The following MUSK variants were observed in gnomAD, a reference collection of about 807,000 sequenced individuals.
The protein encoded by MUSK is muscle associated receptor tyrosine kinase, also known as muscle, skeletal receptor tyrosine-protein kinase.
MUSK carries 55 observed loss-of-function variants against 88.7 expected under a neutral mutation model. That is an observed-to-expected ratio of 0.62 (90% confidence interval 0.50 to 0.78). MUSK has a LOEUF of 0.78. Ranked by LOEUF, MUSK falls within the 30% of genes least tolerant of loss-of-function variation. MUSK has a pLI of 0.00. For synonymous variants in MUSK, 387 were observed against 391.9 expected, an observed-to-expected ratio of 0.99 and a Z score of 0.15; for missense variants, 1,015 against 1,074.3, an observed-to-expected ratio of 0.94 and a Z score of 0.77.
intron 5 of MUSK, among the ~76,000 whole-genome samples, chr9:110,718,774 C>T (rs1029620060): frequency 6.6e-6 from 1 of 151,986 alleles, no homozygotes. Flanking sequence ...TGCCTAGACA[C>T]ATAGTTATCA....
At chr9:110,717,425 C>A (rs1564241978) in intron 5 of MUSK, among the ~76,000 whole-genome samples, 1 of 149,804 alleles carries the variant, frequency 6.7e-6, no homozygotes, top group Non-Finnish European at 1.5e-5. Flanking sequence ...AAAATCTTAT[C>A]TAACAGCACC....
chr9:110,715,940 G>A (rs948932418), intron 5 of MUSK, among the ~76,000 whole-genome samples: 1 of 149,206 alleles, frequency 6.7e-6, no homozygotes. Flanking sequence ...ATGGACACAT[G>A]GGGGGAACAA....
In MUSK at chr9:110,800,793, G is replaced by A. The variant is rs2078084077; in HGVS notation, c.2415G>A (p.Gly805=). The A allele has an allele frequency of 6.2e-7, 1 of 1,613,966 alleles. No homozygotes were observed. The highest frequency in any genetic ancestry group is 1.1e-5 in the South Asian group (1 of 91,084). ...CCTATGGCCTGCAGCCCTACTATGGGATGGCCCATGAGGAGGTCATTTACT... is the reference window on the plus strand; with the variant it reads ...CCTATGGCCTGCAGCCCTACTATGGAATGGCCCATGAGGAGGTCATTTACT... ...IFSYGLQPYY[G]MAHEEVIYYV... The change falls in exon 15 of 15, where the codon GGG becomes GGA. Residue 805 remains glycine (G), a synonymous_variant. Transcript: ENST00000374448.
rs1044885611 is a variant in MUSK, at chr9:110,735,498, A to C, written c.753+1123A>C. Among the ~76,000 whole-genome samples the C allele has an allele frequency of 9.9e-5, 15 of 152,054 alleles. 1 individual carries two copies. The highest frequency in any genetic ancestry group is 7.7e-4 in the East Asian group (4 of 5,184). ...TATTTCATGTTCTCTTTCATAACTA[A>C]AAAAATTGATCTCATGGAGATAGAG... On this transcript the variant is annotated intron_variant, in intron 6 of 14. Transcript: ENST00000374448.
chr9:110,788,642 A>AG (rs1159629744), intron 14 of MUSK, among the ~76,000 whole-genome samples: 1 of 151,720 alleles, frequency 6.6e-6, no homozygotes, highest in Non-Finnish European at 1.5e-5. Flanking sequence ...TAAAAAAGGA[A>AG]GAAAAAAAAA....
chr9:110,708,821 A>G (rs1048510591), intron 5 of MUSK, among the ~76,000 whole-genome samples: 1 of 152,196 alleles, frequency 6.6e-6, no homozygotes, highest in Non-Finnish European at 1.5e-5. Context: ...AGGCCCTCTT[A>G]AAGTGCAGTG....
At chr9:110,720,433 A>G (rs1161847464) in intron 5 of MUSK, among the ~76,000 whole-genome samples, 2 of 152,100 alleles carry the variant, frequency 1.3e-5, no homozygotes, top group Non-Finnish European at 2.9e-5. Flanking sequence ...TCACAGAAAT[A>G]TGAAACATTA....
rs777853943 is a variant in MUSK at position 110,787,773 on chromosome 9, C to A, written c.1862C>A (p.Ala621Glu). Residue 621 changes from alanine to glutamate, a missense_variant, in exon 14 of 15, where the codon GCG (alanine) becomes GAG (glutamate). Physicochemically the swap from Ala to Glu is moderately radical, Grantham distance 107. Transcript: ENST00000374448. ...LKEEASADMQ[A>E]DFQREAALMA... ...GAAGAAGCCTCGGCAGATATGCAAG[C>A]GGACTTTCAGAGGGAGGCAGCCCTC... 1 of 1,613,690 alleles carries A rather than the reference C, an allele frequency of 6.2e-7. No individual in the cohort carries two copies. Among genetic ancestry groups the A allele is most frequent in the South Asian group, 1.1e-5 (1 of 90,996 alleles).
intron 1 of MUSK, among the ~76,000 whole-genome samples, chr9:110,675,065 A>G (rs554370700): frequency 6.6e-6 from 1 of 152,060 alleles, no homozygotes; most frequent in Non-Finnish European, 1.5e-5. Context: ...AATGGTTTCC[A>G]TTTATTTATT....
chr9:110,797,851 A>G (rs949092792), intron 14 of MUSK, among the ~76,000 whole-genome samples: 3 of 152,208 alleles, frequency 2.0e-5, no homozygotes, highest in African/African-American at 7.2e-5. Context: ...TTCCTGTTTC[A>G]ACTTTTCTTA....
At chr9:110,755,984 A>ACG (rs1293841849) in intron 7 of MUSK, among the ~76,000 whole-genome samples, 14 of 126,018 alleles carry the variant, frequency 1.1e-4, no homozygotes, top group African/African-American at 3.7e-4. Flanking sequence ...ATATACATAT[A>ACG]TATATATATA....
intron 13 of MUSK, among the ~76,000 whole-genome samples, chr9:110,787,361 CAAAAAAAAAAAA>C (rs10659550): frequency 3.3e-5 from 3 of 91,444 alleles, no homozygotes; most frequent in African/African-American, 4.6e-5. Flanking sequence ...GACTCTGTCT[CAAAAAAAAAAAA>C]AAAAAAAAAG....
chr9:110,786,235 C>T (rs541431053), intron 13 of MUSK, among the ~76,000 whole-genome samples: 4 of 147,558 alleles, frequency 2.7e-5, no homozygotes, highest in South Asian at 2.1e-4. Flanking sequence ...TGCTTGAAGC[C>T]GGAAGACAGA....
At chr9:110,732,972 C>T (rs981702631) in intron 5 of MUSK, among the ~76,000 whole-genome samples, 1 of 152,086 alleles carries the variant, frequency 6.6e-6, no homozygotes, top group Non-Finnish European at 1.5e-5. Flanking sequence ...CAACTGGAAA[C>T]ACTACTCTGG....
chr9:110,710,648 T>C (rs1362781825), intron 5 of MUSK, among the ~76,000 whole-genome samples: 1 of 152,002 alleles, frequency 6.6e-6, no homozygotes, highest in Non-Finnish European at 1.5e-5. Context: ...TGACAAGTGA[T>C]AAAGGGAAGC....
At chr9:110,677,833 T>C (rs1400066690) in intron 1 of MUSK, among the ~76,000 whole-genome samples, 2 of 152,216 alleles carry the variant, frequency 1.3e-5, no homozygotes, top group Admixed American at 1.3e-4. Flanking sequence ...GAATGGATAG[T>C]TAACTCTGTT....
intron 5 of MUSK, among the ~76,000 whole-genome samples, chr9:110,717,715 A>G (rs2076762982): frequency 6.9e-6 from 1 of 145,048 alleles, no homozygotes; most frequent in African/African-American, 2.8e-5. Flanking sequence ...ATTCAGGTGA[A>G]CATTGAAATC....
At chr9:110,742,566 T>G (rs905840005) in intron 6 of MUSK, among the ~76,000 whole-genome samples, 2 of 152,232 alleles carry the variant, frequency 1.3e-5, no homozygotes, top group Non-Finnish European at 1.5e-5. Context: ...AAATTTCTAG[T>G]ATTTTCAAAA....
intron 11 of MUSK, among the ~76,000 whole-genome samples, chr9:110,784,277 G>A (rs1041335870): frequency 2.9e-4 from 44 of 152,148 alleles, no homozygotes; most frequent in Middle Eastern, 6.4e-3. Context: ...GTTTCCAACA[G>A]TAATGCTGAT....
Sources: gnomAD v4.1 joint callset for allele counts (sites outside exome capture counted in the v4.1 genomes callset) on GRCh38, gnomAD v4.1.1 for gene constraint, MANE v1.5 for transcripts, NCBI Gene and HGNC (gene_info 2026-07-23, HGNC 2026-07-21) for gene names.